Variants in INPP4B observed in about 807,000 individuals in gnomAD.
The protein encoded by INPP4B is inositol polyphosphate-4-phosphatase type II B, also known as inositol polyphosphate 4-phosphatase type II.
A neutral mutation model predicts 122.5 loss-of-function variants in INPP4B; 55 were observed. That is an observed-to-expected ratio of 0.45 (90% CI 0.36 to 0.56). The LOEUF (loss-of-function observed/expected upper bound fraction) is 0.56, where lower values mean the gene tolerates loss of function less well. Ranked by LOEUF, INPP4B falls within the 20% of genes least tolerant of loss-of-function variation. The probability of loss-of-function intolerance (pLI) is 0.00; values close to 1 mark genes in which losing one functional copy is unlikely to be tolerated. For synonymous variants in INPP4B, 403 were observed against 388.7 expected, an observed-to-expected ratio of 1.04 and a Z score of -0.43; for missense variants, 1,000 against 1,097.7, an observed-to-expected ratio of 0.91 and a Z score of 1.26.
intron 5 of INPP4B, chr4:142,426,676 A>G (rs545121123): frequency 6.6e-6 from 1 of 152,076 alleles, no homozygotes; most frequent in Non-Finnish European, 1.5e-5. Flanking sequence ...GAGGAATTCA[A>G]TAAGCAGAAG....
intron 2 of INPP4B, among the ~76,000 whole-genome samples, chr4:142,687,342 G>A (rs1386859913): frequency 6.6e-6 from 1 of 151,972 alleles, no homozygotes; most frequent in Admixed American, 6.6e-5. Flanking sequence ...GCCCAAAACT[G>A]AGGAATGAGA....
At chr4:142,584,709 C>T (rs990296938) in intron 2 of INPP4B, among the ~76,000 whole-genome samples, 14 of 152,034 alleles carry the variant, frequency 9.2e-5, no homozygotes, top group African/African-American at 3.4e-4. Context: ...TCTGGTTTCT[C>T]TACTCTAAAG....
chr4:142,437,448 A>T (rs1350510682), intron 3 of INPP4B, among the ~76,000 whole-genome samples: 1 of 152,070 alleles, frequency 6.6e-6, no homozygotes, highest in Non-Finnish European at 1.5e-5. Flanking sequence ...GCCCCAAGAC[A>T]CATAATCACC....
chr4:142,184,592 A>T (rs2152988774), intron 15 of INPP4B, among the ~76,000 whole-genome samples: 1 of 152,202 alleles, frequency 6.6e-6, no homozygotes, highest in South Asian at 2.1e-4. Context: ...ATATCCATTC[A>T]TCAAACTCTT....
At chr4:142,655,545 T>C (rs759998203) in intron 2 of INPP4B, among the ~76,000 whole-genome samples, 1 of 152,224 alleles carries the variant, frequency 6.6e-6, no homozygotes, top group Non-Finnish European at 1.5e-5. Flanking sequence ...GAATGAATTA[T>C]ATTTTTTTAA....
At chr4:142,195,102 T>A (rs1837590647) in intron 14 of INPP4B, among the ~76,000 whole-genome samples, 1 of 152,172 alleles carries the variant, frequency 6.6e-6, no homozygotes, top group South Asian at 2.1e-4. Context: ...TGACTAAAAA[T>A]ATTATTCAGC....
intron 14 of INPP4B, among the ~76,000 whole-genome samples, chr4:142,199,005 C>T (rs919037455): frequency 1.3e-5 from 2 of 152,002 alleles, no homozygotes. Context: ...ATACTTACTT[C>T]TTCCTCTTTC....
At chr4:142,395,070 T>C (rs2149045202) in intron 7 of INPP4B, among the ~76,000 whole-genome samples, 1 of 152,338 alleles carries the variant, frequency 6.6e-6, no homozygotes, top group African/African-American at 2.4e-5. Flanking sequence ...TTTCCTCTGT[T>C]GTGAGAGCCC....
intron 2 of INPP4B, among the ~76,000 whole-genome samples, chr4:142,469,797 C>A (rs767821657): frequency 6.6e-6 from 1 of 151,974 alleles, no homozygotes; most frequent in Non-Finnish European, 1.5e-5. Context: ...GAAAAATTAA[C>A]AATTATTTTT....
intron 2 of INPP4B, among the ~76,000 whole-genome samples, chr4:142,558,512 A>G (rs1264508667): frequency 6.6e-6 from 1 of 152,154 alleles, no homozygotes; most frequent in Non-Finnish European, 1.5e-5. Flanking sequence ...ATCTAAATAT[A>G]AAGCCTAAAA....
At chr4:142,191,856 T>C (rs1835973328) in intron 15 of INPP4B, among the ~76,000 whole-genome samples, 1 of 152,160 alleles carries the variant, frequency 6.6e-6, no homozygotes, top group South Asian at 2.1e-4. Flanking sequence ...TGAGTTAATA[T>C]TGTACCAAAG....
At chr4:142,149,022 G>A (rs6835439) in intron 17 of INPP4B, among the ~76,000 whole-genome samples, 2 of 152,240 alleles carry the variant, frequency 1.3e-5, no homozygotes, top group Non-Finnish European at 2.9e-5. Context: ...TTGGAGAGGA[G>A]ATGCTGCCTA....
rs150140751 is a variant in INPP4B, at chr4:142,824,785, A to T, written c.-254+21424T>A. Among the ~76,000 whole-genome samples the T allele has an allele frequency of 1.9e-3, 277 of 146,292 alleles. 2 individuals are homozygous for T. The highest frequency in any genetic ancestry group is 0.018 in the East Asian group (92 of 5,172). On this transcript the variant is annotated intron_variant, in intron 1 of 25. Coordinates refer to ENST00000262992, the MANE Select transcript of INPP4B (RefSeq NM_001101669.3). Reference sequence around the variant, plus strand: ...TTTATAGAAATGAATTTTTTAAATAAAAAGGATCCTTTTTTGTTAAAAAAA... The same window carrying T: ...TTTATAGAAATGAATTTTTTAAATATAAAGGATCCTTTTTTGTTAAAAAAA...
intron 2 of INPP4B, among the ~76,000 whole-genome samples, chr4:142,645,267 A>G (rs1430056381): frequency 6.6e-6 from 1 of 152,222 alleles, no homozygotes; most frequent in Non-Finnish European, 1.5e-5. Flanking sequence ...AAGCAGTCAT[A>G]TGATTTGACC....
chr4:142,240,061 T>G (rs1858564355), intron 11 of INPP4B, among the ~76,000 whole-genome samples: 1 of 151,320 alleles, frequency 6.6e-6, no homozygotes, highest in Non-Finnish European at 1.5e-5. Flanking sequence ...AATTTTTAGT[T>G]TATTGTTTTC....
chr4:142,457,723 T>C (rs1815765775), intron 3 of INPP4B, among the ~76,000 whole-genome samples: 1 of 152,180 alleles, frequency 6.6e-6, no homozygotes, highest in Non-Finnish European at 1.5e-5. Flanking sequence ...CAAAATAGTA[T>C]AGTTACTTTG....
chr4:142,469,036 A>G (rs188700822), intron 2 of INPP4B, among the ~76,000 whole-genome samples: 1 of 152,246 alleles, frequency 6.6e-6, no homozygotes, highest in African/African-American at 2.4e-5. Context: ...TAAAAATCTT[A>G]TAGTTGTTGC....
intron 7 of INPP4B, among the ~76,000 whole-genome samples, chr4:142,383,230 T>G (rs1379373679): frequency 3.3e-5 from 5 of 152,194 alleles, no homozygotes; most frequent in African/African-American, 9.7e-5. Flanking sequence ...AATTGAAATT[T>G]ACTTATAGCT....
chr4:142,517,063 C>T (rs1241291185), intron 2 of INPP4B, among the ~76,000 whole-genome samples: 1 of 151,024 alleles, frequency 6.6e-6, no homozygotes, highest in Non-Finnish European at 1.5e-5. Flanking sequence ...ATCTAGTTTG[C>T]ATATGACTAG....
Sources: gnomAD v4.1 joint callset for allele counts (sites outside exome capture counted in the v4.1 genomes callset) on GRCh38, gnomAD v4.1.1 for gene constraint, MANE v1.5 for transcripts, NCBI Gene and HGNC (gene_info 2026-07-23, HGNC 2026-07-21) for gene names.